Variants in ZNF268 observed in about 807,000 individuals in gnomAD.
ZNF268 encodes zinc finger protein 268.
Under a neutral mutation model 29.3 loss-of-function variants are expected in ZNF268, and 20 were observed. The observed-to-expected ratio is 0.68, with a 90% CI of 0.48 to 0.99. The LOEUF is 0.99. Among genes scored for constraint, ZNF268 ranks in the 50% least tolerant of loss-of-function variants. The probability of loss-of-function intolerance (pLI) is 0.00; values close to 1 mark genes in which losing one functional copy is unlikely to be tolerated. For missense variants in ZNF268, 1,240 were observed against 1,121.6 expected (o/e 1.11, Z -1.51); for synonymous variants, 429 against 376.9 (o/e 1.14, Z -1.60).
At chr12:133,182,890 A>C (rs1161772483) in intron 2 of ZNF268, among the ~76,000 whole-genome samples, 1 of 152,182 alleles carries the variant, frequency 6.6e-6, no homozygotes, top group African/African-American at 2.4e-5. Flanking sequence ...GGATTGTATC[A>C]CATAGGGCAG....
chr12:133,182,077 C>T (rs1203268609), intron 2 of ZNF268, 47 bp downstream of exon 2: 3 of 1,544,218 alleles, frequency 1.9e-6, no homozygotes, highest in Non-Finnish European at 1.8e-6. Context: ...CCCTGAATGC[C>T]AACGTGTGCG....
Position 133,182,004 on chromosome 12 carries a change from A to C in ZNF268, c.7A>C (p.Thr3Pro), listed in dbSNP as rs1176123942. Reference protein sequence around the residue: MATRVRTASIWVP... With the variant: MAPRVRTASIWVP... ...CACAAAACTGACCGTAGGGATGGCC[A>C]CCAGGGTCCGGACAGCTTCTATTTG... Residue 3 changes from threonine (T) to proline (P), a missense_variant, in exon 2 of 6, where the codon ACC becomes CCC. Transcript: ENST00000536435. The C allele has an allele frequency of 7.0e-6, 11 of 1,565,808 alleles. No homozygotes were observed. In the East Asian group the frequency reaches 2.6e-4, roughly 37 times the overall value.
rs758112301 is a variant in ZNF268, at chr12:133,202,193, A to G, written c.507A>G (p.Lys169=). 8.1e-6 allele frequency: 13 copies of G among 1,603,526 alleles called. No individual in the cohort carries two copies. In the South Asian group the frequency reaches 1.1e-4, roughly 14 times the overall value. Residue 169 remains lysine (K), a synonymous_variant, in exon 6 of 6, where the codon AAA becomes AAG. Transcript: ENST00000536435. Reference sequence around the variant, plus strand: ...TTATGGATTGGCATCAGGAAAATAAAGACAAGCTGGGAAGTACGGCAAAAA... The same window carrying G: ...TTATGGATTGGCATCAGGAAAATAAGGACAAGCTGGGAAGTACGGCAAAAA... ...DDLMDWHQEN[K]DKLGSTAKSF...
At chr12:133,190,957 C>T (rs1410066223) in intron 3 of ZNF268, among the ~76,000 whole-genome samples, 1 of 152,022 alleles carries the variant, frequency 6.6e-6, no homozygotes, top group African/African-American at 2.4e-5. Flanking sequence ...GCCTGACTGT[C>T]CTGCCTTTAG....
At chr12:133,196,319 TAAAA>T (rs58218652) in intron 5 of ZNF268, among the ~76,000 whole-genome samples, 4,299 of 100,892 alleles carry the variant, frequency 0.043, 83 homozygotes, top group Non-Finnish European at 0.054. Flanking sequence ...AGACTCCATC[TAAAA>T]AAAAAAAAAA....
chr12:133,203,002 CA>C lies in ZNF268; in HGVS notation c.1317del (p.Glu441ArgfsTer29). On this transcript the variant is annotated frameshift_variant, in exon 6 of 6. Transcript: ENST00000536435. LOFTEE classifies it low-confidence loss of function (END_TRUNC). The part of the protein sequence containing the change: ...SNLMVHQRTH[T>X]GEKPYVCSDC... ...CTTATGGTACATCAGAGAACCCATA[CA>C]GGGGAGAAACCTTATGTTTGTAGTG... is the stretch of plus-strand genomic sequence containing the variant. 1 of 1,548,420 alleles carries C rather than the reference CA, an allele frequency of 6.5e-7. No individual in the cohort carries two copies. The highest frequency in any genetic ancestry group is 2.4e-5 in the East Asian group (1 of 41,790).
rs532461496 is a variant in ZNF268 at position 133,203,485 on chromosome 12, T to C, written c.1799T>C (p.Ile600Thr). 3.4e-5 allele frequency: 52 copies of C among 1,543,030 alleles called. No individual in the cohort carries two copies. In the African/African-American group the frequency reaches 7.0e-4, roughly 21 times the overall value. ...GKAFGLKSQL[I>T]IHQRTHTGEK... The stretch of plus-strand genomic sequence containing the variant: ...GCTTTTGGTTTAAAGTCACAGCTTA[T>C]TATACACCAGAGAACTCATACAGGG... Residue 600 changes from isoleucine (I) to threonine (T), a missense_variant, in exon 6 of 6, where the codon ATT (isoleucine) becomes ACT (threonine). Coordinates refer to ENST00000536435, the MANE Select transcript of ZNF268 (RefSeq NM_003415.3).
chr12:133,199,742 A>G (rs544368623), intron 5 of ZNF268, among the ~76,000 whole-genome samples: 2 of 152,176 alleles, frequency 1.3e-5, no homozygotes, highest in Non-Finnish European at 2.9e-5. Context: ...CAGAGAGTCA[A>G]CTTCTTCCTG....
chr12:133,204,517 A>G lies in ZNF268; in HGVS notation c.2831A>G (p.Asp944Gly). The change falls in exon 6 of 6, where the codon GAT (aspartate) becomes GGT (glycine). Residue 944 changes from aspartate (D) to glycine (G), a missense_variant. Coordinates refer to ENST00000536435, the MANE Select transcript of ZNF268 (RefSeq NM_003415.3). The stretch of plus-strand genomic sequence containing the variant: ...ATTATGCATCAGAGAACTCATGTAG[A>G]TGACAAACATTGATAATTTTACGAA... ...QLIMHQRTHV[D>G]DKH is the part of the protein sequence containing the mutation. The G allele has an allele frequency of 6.7e-7, 1 of 1,501,506 alleles. No individual in the cohort carries two copies. The highest frequency in any genetic ancestry group is 8.8e-7 in the Non-Finnish European group (1 of 1,131,544). The allele number at this position is 1,501,506 out of a possible 1,614,324, so 93.0% of individuals were successfully genotyped here. A position where few individuals can be genotyped will look rare whatever the true frequency, so the allele number is the denominator to read the frequency against.
chr12:133,186,536 G>T (rs1470348739), intron 2 of ZNF268, among the ~76,000 whole-genome samples: 1 of 151,906 alleles, frequency 6.6e-6, no homozygotes, highest in East Asian at 1.9e-4. Context: ...GCCACGCCTG[G>T]CTGATTTTTT....
chr12:133,187,706 C>T lies in ZNF268; in HGVS notation c.34-166C>T, dbSNP rs7967091. Among the ~76,000 whole-genome samples, 5 of 152,274 alleles carry T rather than the reference C, an allele frequency of 3.3e-5. No homozygotes were observed. In the East Asian group the frequency reaches 5.8e-4, roughly 18 times the overall value. ...TTGACTTGAACTCTTGGTGCTAAGC[C>T]TTGTCAGGAAGCCATTTCTTTTCTG... On this transcript the variant is annotated intron_variant, in intron 2 of 5. Transcript: ENST00000536435.
chr12:133,191,132 C>T (rs139131311), intron 3 of ZNF268, among the ~76,000 whole-genome samples: 49 of 152,102 alleles, frequency 3.2e-4, no homozygotes, highest in African/African-American at 1.1e-3. Context: ...CTGGCTAACA[C>T]AGTGAAACCC....
Position 133,203,886 on chromosome 12 carries a change from A to C in ZNF268, c.2200A>C (p.Ser734Arg), listed in dbSNP as rs1285586749. 6.3e-7 allele frequency: 1 copy of C among 1,575,412 alleles called. No individual in the cohort carries two copies. Among genetic ancestry groups the C allele is most frequent in the South Asian group, 1.1e-5 (1 of 87,482 alleles). The change falls in exon 6 of 6, where the codon AGT (serine) becomes CGT (arginine). Residue 734 changes from serine to arginine, a missense_variant. By Grantham distance (110) the Ser-to-Arg change is moderately radical. This residue lies in a region of ZNF268 where 1,177 missense variants were observed against 1,039.6 expected (regional missense o/e 1.13). Transcript: ENST00000536435. ...HECRECGKSF[S>R]FNSQLIVHQR... ...GTGCAGGGAATGCGGGAAATCCTTT[A>C]GTTTCAATTCACAACTCATTGTGCA...
chr12:133,191,257 C>G (rs1956464462), intron 3 of ZNF268, among the ~76,000 whole-genome samples: 1 of 151,132 alleles, frequency 6.6e-6, no homozygotes, highest in South Asian at 2.1e-4. Context: ...GTATACCTTG[C>G]AGTGAGCCAA....
chr12:133,181,728 A>G (rs1956180701), intron 1 of ZNF268, 42 bp downstream of exon 1: 5 of 499,096 alleles, frequency 1.0e-5, no homozygotes, highest in Admixed American at 6.6e-5. Context: ...GACGGGACAG[A>G]ACTAATCTGC....
chr12:133,207,385 T>C lies in ZNF268; in HGVS notation c.*2855T>C, dbSNP rs1286566956. On this transcript the variant is annotated 3_prime_UTR_variant, in exon 6 of 6. Coordinates refer to ENST00000536435, the MANE Select transcript of ZNF268 (RefSeq NM_003415.3). ...GGTTTAAAAATTCTAAATGGAATTA[T>C]AGCAAACCAATGTATAGCTAACAAG... The C allele has an allele frequency of 6.6e-6, 1 of 152,098 alleles. No homozygotes were observed. Among genetic ancestry groups the C allele is most frequent in the African/African-American group, 2.4e-5 (1 of 41,406 alleles). 9.4% of individuals were successfully genotyped at this position (152,098 alleles called of 1,614,324 possible).
chr12:133,198,642 C>T (rs1343727601), intron 5 of ZNF268, among the ~76,000 whole-genome samples: 23 of 151,924 alleles, frequency 1.5e-4, no homozygotes, highest in Non-Finnish European at 2.2e-4. Flanking sequence ...GCCATTTTCA[C>T]GATATAGATT....
Position 133,185,044 on chromosome 12 carries a change from C to T in ZNF268, c.34-2828C>T, listed in dbSNP as rs777528795. Among the ~76,000 whole-genome samples, 123 of 151,352 alleles carry T rather than the reference C, an allele frequency of 8.1e-4. 2 individuals are homozygous for T. Among genetic ancestry groups the T allele is most frequent in the Admixed American group, 1.1e-3 (17 of 15,166 alleles). ...ACTAAAAATATGAAAATTAGCTGGG[C>T]GTGATGGTGGGCACCTGTAATCCCA... On this transcript the variant is annotated intron_variant, in intron 2 of 5. Coordinates refer to ENST00000536435, the MANE Select transcript of ZNF268 (RefSeq NM_003415.3).
rs568305325 is a variant in ZNF268, at chr12:133,199,552, A to T, written c.458-2592A>T. Among the ~76,000 whole-genome samples the T allele has an allele frequency of 1.7e-3, 255 of 151,894 alleles. 1 individual carries two copies. Among genetic ancestry groups the T allele is most frequent in the African/African-American group, 5.9e-3 (246 of 41,500 alleles). Reference sequence around the variant, plus strand: ...GTATCAGGATGATGCTGGCCTCAGAAAATGAGTTAGGGAGGATTCCCTCTT... The same window carrying T: ...GTATCAGGATGATGCTGGCCTCAGATAATGAGTTAGGGAGGATTCCCTCTT... On this transcript the variant is annotated intron_variant, in intron 5 of 5. Coordinates refer to ENST00000536435, the MANE Select transcript of ZNF268 (RefSeq NM_003415.3).
Sources: gnomAD v4.1 joint callset for allele counts (sites outside exome capture counted in the v4.1 genomes callset) on GRCh38, gnomAD v4.1.1 for gene constraint, gnomAD v4.1.1 regional missense constraint, MANE v1.5 for transcripts, NCBI Gene and HGNC (gene_info 2026-07-23, HGNC 2026-07-21) for gene names.